ZNF385D: variants seen among roughly 807,000 people sequenced by gnomAD.
ZNF385D encodes zinc finger protein 659.
Under a neutral mutation model 35.8 loss-of-function variants are expected in ZNF385D, and 15 were observed. The ratio of observed to expected loss-of-function variants is 0.42; its 90% CI spans 0.28 to 0.64. The LOEUF (loss-of-function observed/expected upper bound fraction) is 0.64. Among genes scored for constraint, ZNF385D ranks in the 30% least tolerant of loss-of-function variants. The pLI is 0.23. For synonymous variants in ZNF385D, 212 were observed against 186.8 expected (o/e 1.13, Z -1.10); for missense variants, 474 against 494.6 (o/e 0.96, Z 0.39).
intron 3 of ZNF385D, among the ~76,000 whole-genome samples, chr3:21,933,028 G>C (rs1156742925): frequency 1.3e-5 from 2 of 152,146 alleles, no homozygotes; most frequent in African/African-American, 2.4e-5. Context: ...TTGAAGTTCT[G>C]AACCCAAGAG....
chr3:22,155,067 G>A (rs1459405798), intron 3 of ZNF385D, among the ~76,000 whole-genome samples: 2 of 152,018 alleles, frequency 1.3e-5, no homozygotes, highest in African/African-American at 4.8e-5. Context: ...TTATGTGAAG[G>A]ACAATGACAA....
intron 3 of ZNF385D, among the ~76,000 whole-genome samples, chr3:21,931,964 G>T (rs907861977): frequency 6.6e-6 from 1 of 151,716 alleles, no homozygotes; most frequent in South Asian, 2.1e-4. Context: ...GATCAAGATC[G>T]AGACCATCCT....
chr3:22,227,709 C>A (rs912789047), intron 2 of ZNF385D, among the ~76,000 whole-genome samples: 1 of 152,170 alleles, frequency 6.6e-6, no homozygotes, highest in African/African-American at 2.4e-5. Flanking sequence ...ATTGCCATGG[C>A]AACACCCAGA....
intron 2 of ZNF385D, among the ~76,000 whole-genome samples, chr3:21,573,123 GA>G (rs1195274080): frequency 1.3e-5 from 2 of 151,908 alleles, no homozygotes; most frequent in Non-Finnish European, 2.9e-5. Context: ...TCAGCAAAAG[GA>G]AAAATAAATA....
intron 3 of ZNF385D, among the ~76,000 whole-genome samples, chr3:21,771,752 T>C (rs578072456): frequency 6.6e-6 from 1 of 151,862 alleles, no homozygotes; most frequent in Non-Finnish European, 1.5e-5. Context: ...GTTAATAAAC[T>C]AAGTAAGACC....
intron 3 of ZNF385D, among the ~76,000 whole-genome samples, chr3:21,914,454 C>T (rs1700103558): frequency 6.7e-6 from 1 of 150,106 alleles, no homozygotes; most frequent in Non-Finnish European, 1.5e-5. Context: ...GAGATTAAAC[C>T]TTTCTCATTT....
chr3:22,006,190 T>C (rs1316450782), intron 3 of ZNF385D, among the ~76,000 whole-genome samples: 3 of 152,118 alleles, frequency 2.0e-5, no homozygotes, highest in Admixed American at 6.5e-5. Context: ...GATAAACCTA[T>C]GCAGAGTTTT....
intron 3 of ZNF385D, among the ~76,000 whole-genome samples, chr3:21,810,945 C>T (rs571077791): frequency 2.9e-5 from 4 of 136,186 alleles, no homozygotes; most frequent in Non-Finnish European, 6.1e-5. Context: ...CAGCACATCA[C>T]ACACACACAC....
intron 5 of ZNF385D, among the ~76,000 whole-genome samples, chr3:21,428,829 T>C (rs895275724): frequency 6.6e-6 from 1 of 151,966 alleles, no homozygotes; most frequent in African/African-American, 2.4e-5. Context: ...TTTAAAAGGC[T>C]GGTACTGACA....
chr3:21,859,514 G>A (rs2125826956), intron 3 of ZNF385D, among the ~76,000 whole-genome samples: 1 of 152,026 alleles, frequency 6.6e-6, no homozygotes, highest in South Asian at 2.1e-4. Flanking sequence ...GCTCTGATCA[G>A]AGGCCCGTGG....
At chr3:21,770,604 G>C (rs927166377) in intron 3 of ZNF385D, among the ~76,000 whole-genome samples, 2 of 152,180 alleles carry the variant, frequency 1.3e-5, no homozygotes, top group African/African-American at 4.8e-5. Flanking sequence ...TGCTGGAGAG[G>C]ATGTGGAGAA....
chr3:22,084,286 C>G (rs1362184408), intron 3 of ZNF385D, among the ~76,000 whole-genome samples: 1 of 152,088 alleles, frequency 6.6e-6, no homozygotes, highest in Non-Finnish European at 1.5e-5. Flanking sequence ...CACAGACTGG[C>G]AAATTGGATA....
At chr3:21,805,660 G>A (rs556351399) in intron 3 of ZNF385D, among the ~76,000 whole-genome samples, 11 of 152,068 alleles carry the variant, frequency 7.2e-5, no homozygotes, top group Non-Finnish European at 1.3e-4. Context: ...TCTGACATTC[G>A]GGTTTCTCCT....
intron 3 of ZNF385D, among the ~76,000 whole-genome samples, chr3:21,840,522 A>T (rs1226951803): frequency 6.6e-6 from 1 of 151,898 alleles, no homozygotes; most frequent in Non-Finnish European, 1.5e-5. Context: ...TATGCCCAAT[A>T]CTAAAGATTT....
At chr3:21,830,414 C>A (rs542275118) in intron 3 of ZNF385D, among the ~76,000 whole-genome samples, 3 of 152,284 alleles carry the variant, frequency 2.0e-5, no homozygotes, top group African/African-American at 7.2e-5. Flanking sequence ...AGTAGACATG[C>A]ATAGATTTAT....
intron 2 of ZNF385D, among the ~76,000 whole-genome samples, chr3:22,223,062 T>A (rs1698353672): frequency 6.6e-6 from 1 of 152,100 alleles, no homozygotes; most frequent in Admixed American, 6.6e-5. Context: ...AAGGGTTTAA[T>A]CTATACTTTC....
At chr3:21,993,696 A>G (rs1189103043) in intron 3 of ZNF385D, among the ~76,000 whole-genome samples, 1 of 152,176 alleles carries the variant, frequency 6.6e-6, no homozygotes, top group Non-Finnish European at 1.5e-5. Context: ...TTTGCTGGGA[A>G]TCACAATGCA....
chr3:22,192,687 C>T (rs1022964367), intron 2 of ZNF385D, among the ~76,000 whole-genome samples: 2 of 152,142 alleles, frequency 1.3e-5, no homozygotes, highest in Non-Finnish European at 2.9e-5. Context: ...AAAACCTCAG[C>T]AAATGCTTCC....
At chr3:22,305,613 C>A (rs1346977020) in intron 2 of ZNF385D, among the ~76,000 whole-genome samples, 2 of 152,106 alleles carry the variant, frequency 1.3e-5, no homozygotes, top group African/African-American at 4.8e-5. Flanking sequence ...AATGACCACA[C>A]CAACTCTTAA....
Sources: gnomAD v4.1 joint callset for allele counts (sites outside exome capture counted in the v4.1 genomes callset) on GRCh38, gnomAD v4.1.1 for gene constraint, MANE v1.5 for transcripts, NCBI Gene and HGNC (gene_info 2026-07-23, HGNC 2026-07-21) for gene names.